ZNF562: variants seen among roughly 807,000 people sequenced by gnomAD.
ZNF562 encodes the protein zinc finger protein 562.
ZNF562 carries 13 observed loss-of-function variants against 17.5 expected under a neutral mutation model. The ratio of observed to expected loss-of-function variants is 0.74; its 90% CI spans 0.48 to 1.18. The LOEUF is 1.18. Among genes scored for constraint, ZNF562 ranks in the 50% most tolerant of loss-of-function variants. The pLI, the probability that ZNF562 is intolerant of heterozygous loss-of-function variation, is 0.00. For synonymous variants in ZNF562, 163 were observed against 165.4 expected (o/e 0.99, Z 0.11); for missense variants, 481 against 498.5 (o/e 0.96, Z 0.33).
chr19:9,673,564 C>T (rs775341796), intron 1 of ZNF562, among the ~76,000 whole-genome samples: 3 of 152,006 alleles, frequency 2.0e-5, no homozygotes, highest in South Asian at 2.1e-4. Context: ...TCCCAAAGTG[C>T]TGTGATTACA....
intron 1 of ZNF562, among the ~76,000 whole-genome samples, chr19:9,664,088 GAC>G (rs953374718): frequency 4.6e-5 from 7 of 151,918 alleles, no homozygotes; most frequent in African/African-American, 1.7e-4. Context: ...TGTTTTTTAA[GAC>G]AGAGTTTCAC....
Position 9,653,820 on chromosome 19 carries a change from T to C in ZNF562, c.410A>G (p.Gln137Arg), listed in dbSNP as rs879589120. The stretch of plus-strand genomic sequence containing the variant: ...TCTCATGTGTGTCTTAAGGCAAAAC[T>C]GTTCACTGAAGACCTCTCCACAATT... ...CENCGEVFSE[Q>R]FCLKTHMRAQ... The change falls in exon 6 of 6, where the codon CAG (glutamine) becomes CGG (arginine). Residue 137 changes from glutamine (Q) to arginine (R), a missense_variant. Transcript: ENST00000453372. The C allele has an allele frequency of 1.9e-6, 3 of 1,612,204 alleles. No individual in the cohort carries two copies. The highest frequency in any genetic ancestry group is 1.3e-5 in the African/African-American group (1 of 74,820).
In ZNF562 at chr19:9,653,813, G is replaced by A. The variant is rs1568261523; in HGVS notation, c.417C>T (p.Cys139=). 6.2e-7 allele frequency: 1 copy of A among 1,612,924 alleles called. No homozygotes were observed. The highest frequency in any genetic ancestry group is 8.5e-7 in the Non-Finnish European group (1 of 1,179,546). ...NCGEVFSEQF[C]LKTHMRAQNG... The stretch of plus-strand genomic sequence containing the variant: ...TCTGAGCTCTCATGTGTGTCTTAAG[G>A]CAAAACTGTTCACTGAAGACCTCTC... The change falls in exon 6 of 6, where the codon TGC becomes TGT. Residue 139 remains cysteine (C), a synonymous_variant. Transcript: ENST00000453372.
At chr19:9,659,767 C>T (rs527321486) in intron 2 of ZNF562, among the ~76,000 whole-genome samples, 14 of 151,480 alleles carry the variant, frequency 9.2e-5, no homozygotes, top group African/African-American at 3.4e-4. Context: ...TGTAGCATTT[C>T]CAAAGGCACA....
chr19:9,654,104 C>T (rs781367764), intron 5 of ZNF562, among the ~76,000 whole-genome samples: 4 of 151,774 alleles, frequency 2.6e-5, no homozygotes, highest in Admixed American at 6.6e-5. Context: ...GATTCTCCTG[C>T]CTCAGCCTCC....
Position 9,656,399 on chromosome 19 carries a change from C to T in ZNF562, c.348+148G>A, listed in dbSNP as rs1304252505. 5 of 737,278 alleles carry T rather than the reference C, an allele frequency of 6.8e-6. 1 individual carries two copies. Among genetic ancestry groups the T allele is most frequent in the Non-Finnish European group, 6.7e-6 (3 of 444,582 alleles). 45.7% of individuals were successfully genotyped at this position (737,278 alleles called of 1,614,324 possible). A position where few individuals can be genotyped will look rare whatever the true frequency, so the allele number is the denominator to read the frequency against. ...TGGTGGGTGCCTGTAGTCCTAGCTA[C>T]TCGGGAGGCTGAGGCAAGAGAATCG... On this transcript the variant is annotated intron_variant, in intron 5 of 5. Coordinates refer to ENST00000453372, the MANE Select transcript of ZNF562 (RefSeq NM_001130031.2).
At chr19:9,656,871 A>AAAAAATATATATATAT (rs376933513) in intron 4 of ZNF562, among the ~76,000 whole-genome samples, 2 of 142,436 alleles carry the variant, frequency 1.4e-5, no homozygotes, top group African/African-American at 5.2e-5. Context: ...AAAATACAAA[A>AAAAAATATATATATAT]ATATATATAT....
chr19:9,653,825 A>T lies in ZNF562; in HGVS notation c.405T>A (p.Ser135Arg). 1.2e-6 allele frequency: 2 copies of T among 1,610,604 alleles called. No homozygotes were observed. The highest frequency in any genetic ancestry group is 1.7e-6 in the Non-Finnish European group (2 of 1,178,358). Residue 135 changes from serine (S) to arginine (R), a missense_variant, in exon 6 of 6, where the codon AGT (serine) becomes AGA (arginine). Coordinates refer to ENST00000453372, the MANE Select transcript of ZNF562 (RefSeq NM_001130031.2). ...TGTGTGTCTTAAGGCAAAACTGTTC[A>T]CTGAAGACCTCTCCACAATTCTCAC... is the stretch of plus-strand genomic sequence containing the variant. The part of the protein sequence containing the change: ...KLCENCGEVF[S>R]EQFCLKTHMR...
chr19:9,652,795 G>A lies in ZNF562; in HGVS notation c.*154C>T, dbSNP rs1182747763. On this transcript the variant is annotated 3_prime_UTR_variant, in exon 6 of 6. Coordinates refer to ENST00000453372, the MANE Select transcript of ZNF562 (RefSeq NM_001130031.2). ...CAACACTCATATCCTTACATTCATA[G>A]TATTTCTCCCCAGTGTGAATTCTTT... The A allele has an allele frequency of 4.6e-6, 3 of 645,794 alleles. No individual in the cohort carries two copies. The African/African-American group carries it at 5.5e-5, about 12-fold the overall frequency. The allele number at this position is 645,794 out of a possible 1,614,324, so 40.0% of individuals were successfully genotyped here.
chr19:9,673,880 G>A (rs754332237), intron 1 of ZNF562, among the ~76,000 whole-genome samples: 10 of 152,044 alleles, frequency 6.6e-5, no homozygotes, highest in South Asian at 4.1e-4. Context: ...GGTGGTGCAC[G>A]CCTGGAATCC....
intron 1 of ZNF562, among the ~76,000 whole-genome samples, chr19:9,672,327 T>C (rs2145055791): frequency 6.6e-6 from 1 of 152,338 alleles, no homozygotes; most frequent in South Asian, 2.1e-4. Flanking sequence ...ATTGTGGTTT[T>C]AGTATGACAA....
intron 1 of ZNF562, among the ~76,000 whole-genome samples, chr19:9,663,777 A>AG (rs769808233): frequency 1.3e-5 from 2 of 151,866 alleles, no homozygotes; most frequent in African/African-American, 2.4e-5. Context: ...CCCAGGTTCA[A>AG]GCGATTTTCC....
chr19:9,659,115 C>T (rs920858609), intron 3 of ZNF562, among the ~76,000 whole-genome samples: 1 of 152,230 alleles, frequency 6.6e-6, no homozygotes, highest in Non-Finnish European at 1.5e-5. Flanking sequence ...TCTGTCACCG[C>T]ACCCAGCAAT....
chr19:9,658,288 G>A (rs543948591), intron 3 of ZNF562, 153 bp from the exon 4 acceptor site: 1 of 985,390 alleles, frequency 1.0e-6, no homozygotes, highest in Admixed American at 6.1e-5. Flanking sequence ...GAGCTCTTGT[G>A]TCTAAACAAT....
chr19:9,649,647 C>A lies in ZNF562; in HGVS notation c.*3302G>T, dbSNP rs987688980. ...GCTTATTAGGAAGAGGAAATTCCCA[C>A]CTAATAAATTTTAGTCAGACCAGTT... On this transcript the variant is annotated 3_prime_UTR_variant, in exon 6 of 6. Transcript: ENST00000453372. 2 of 152,146 alleles carry A rather than the reference C, an allele frequency of 1.3e-5. No homozygotes were observed. The highest frequency in any genetic ancestry group is 4.8e-5 in the African/African-American group (2 of 41,416). 9.4% of individuals were successfully genotyped at this position (152,146 alleles called of 1,614,324 possible).
intron 2 of ZNF562, among the ~76,000 whole-genome samples, chr19:9,660,088 CAAAAAAAAA>C (rs1175978470): frequency 2.3e-4 from 11 of 48,278 alleles, no homozygotes; most frequent in African/African-American, 2.6e-4. Flanking sequence ...GACTCCATCT[CAAAAAAAAA>C]AAAAAAAAAA....
At position 9,644,529 on chromosome 19, in the gene ZNF562, G is replaced by C. The variant is rs563934057; in HGVS notation, c.*8420C>G. On this transcript the variant is annotated 3_prime_UTR_variant, in exon 6 of 6. Transcript: ENST00000453372. ...CTGGGTAAGTTATGAAGAAAAAGAG[G>C]TTTAATGGACTCACAGTTCCACATG... The C allele has an allele frequency of 1.3e-5, 2 of 152,302 alleles. No homozygotes were observed. Among genetic ancestry groups the C allele is most frequent in the Admixed American group, 6.5e-5 (1 of 15,280 alleles). 9.4% of individuals were successfully genotyped at this position (152,302 alleles called of 1,614,324 possible).
rs962166348 is a variant in ZNF562, at chr19:9,646,071, CTTTTTTTTT to C, written c.*6869_*6877del. 7.6e-6 allele frequency: 1 copy of C among 132,168 alleles called. No individual in the cohort carries two copies. The highest frequency in any genetic ancestry group is 1.6e-5 in the Non-Finnish European group (1 of 60,942). 8.2% of individuals were successfully genotyped at this position (132,168 alleles called of 1,614,324 possible). ...AATTGGTATTATTCAAGTATTTTTT[CTTTTTTTTT>C]TTTTTTTTGTGACAGAGTTTCACTC... is the stretch of plus-strand genomic sequence containing the variant. On this transcript the variant is annotated 3_prime_UTR_variant, in exon 6 of 6. Transcript: ENST00000453372.
Position 9,651,306 on chromosome 19 carries a change from T to C in ZNF562, c.*1643A>G, listed in dbSNP as rs2074864125. 1.3e-5 allele frequency: 2 copies of C among 152,182 alleles called. No homozygotes were observed. Among genetic ancestry groups the C allele is most frequent in the Admixed American group, 6.6e-5 (1 of 15,266 alleles). 9.4% of individuals were successfully genotyped at this position (152,182 alleles called of 1,614,324 possible). ...CCTTGATATAAAGTGGTGAAGAACT[T>C]GGCAGAACTGTATTCTAGCATTTTA... is the stretch of plus-strand genomic sequence containing the variant. On this transcript the variant is annotated 3_prime_UTR_variant, in exon 6 of 6. Transcript: ENST00000453372.
Sources: gnomAD v4.1 joint callset for allele counts (sites outside exome capture counted in the v4.1 genomes callset) on GRCh38, gnomAD v4.1.1 for gene constraint, MANE v1.5 for transcripts, NCBI Gene and HGNC (gene_info 2026-07-23, HGNC 2026-07-21) for gene names.